The following MTA3 variants were observed in gnomAD, a reference collection of about 807,000 sequenced individuals.
MTA3 encodes the protein metastasis-associated protein MTA3.
Under a neutral mutation model 83.5 loss-of-function variants are expected in MTA3, and 34 were observed. The observed-to-expected ratio is 0.41, with a 90% CI of 0.31 to 0.54. MTA3 has a LOEUF of 0.54. Ranked by LOEUF, MTA3 falls within the 20% of genes least tolerant of loss-of-function variation. The pLI is 0.33. For synonymous variants in MTA3, 303 were observed against 252.7 expected, an observed-to-expected ratio of 1.20 and a Z score of -1.89; for missense variants, 761 against 726.4, an observed-to-expected ratio of 1.05 and a Z score of -0.55.
chr2:42,705,235 TGGGAGCACAAA>T (rs1283684003), intron 12 of MTA3, among the ~76,000 whole-genome samples: 5 of 152,184 alleles, frequency 3.3e-5, no homozygotes, highest in Non-Finnish European at 2.9e-5. Context: ...TTTTGCAGCA[TGGGAGCACAAA>T]GGGAAACAAT....
At chr2:42,628,475 AC>A (rs1216332566) in intron 4 of MTA3, among the ~76,000 whole-genome samples, 1 of 151,770 alleles carries the variant, frequency 6.6e-6, no homozygotes, top group Non-Finnish European at 1.5e-5. Context: ...TTCAGGTAAT[AC>A]GCCTGCCTCA....
At chr2:42,626,416 G>C (rs1205935454) in intron 4 of MTA3, among the ~76,000 whole-genome samples, 1 of 151,508 alleles carries the variant, frequency 6.6e-6, no homozygotes, top group African/African-American at 2.4e-5. Flanking sequence ...TCCTGCCTCC[G>C]CCTCCAGGGT....
intron 9 of MTA3, among the ~76,000 whole-genome samples, chr2:42,691,929 T>C (rs2104461230): frequency 6.6e-6 from 1 of 152,350 alleles, no homozygotes; most frequent in South Asian, 2.1e-4. Flanking sequence ...TTGCTCTCGT[T>C]GCTTTTGAGG....
At chr2:42,732,725 A>C (rs1470234149) in intron 16 of MTA3, among the ~76,000 whole-genome samples, 3 of 152,154 alleles carry the variant, frequency 2.0e-5, no homozygotes, top group Non-Finnish European at 4.4e-5. Context: ...TTTAAAACTG[A>C]ATGCAGTACC....
At chr2:42,752,632 C>G (rs1002011104) in intron 16 of MTA3, among the ~76,000 whole-genome samples, 2 of 152,132 alleles carry the variant, frequency 1.3e-5, no homozygotes, top group African/African-American at 4.8e-5. Flanking sequence ...TCCCCTCCTA[C>G]AAGAAATGTG....
chr2:42,507,867 A>T (rs1191139386), intron 2 of MTA3, among the ~76,000 whole-genome samples: 1 of 151,342 alleles, frequency 6.6e-6, no homozygotes, highest in African/African-American at 2.4e-5. Context: ...GGAGGCAGAG[A>T]TTGCAGTGAC....
chr2:42,594,728 A>ATATATATATATATATATATTTTTTTTT, intron 3 of MTA3, among the ~76,000 whole-genome samples: 5 of 24,040 alleles, frequency 2.1e-4, no homozygotes, highest in African/African-American at 6.7e-4. Flanking sequence ...ATATATATAT[A>ATATATATATATATATATATTTTTTTTT]TTTTTTTTTT....
intron 2 of MTA3, among the ~76,000 whole-genome samples, chr2:42,526,108 C>T (rs1326234129): frequency 6.6e-6 from 1 of 152,128 alleles, no homozygotes; most frequent in East Asian, 1.9e-4. Flanking sequence ...AAATAATTGC[C>T]CAGAACCAAC....
In MTA3 at chr2:42,610,444, C is replaced by T. The variant is rs554593931; in HGVS notation, c.317+860C>T. On this transcript the variant is annotated intron_variant, in intron 4 of 16. Transcript: ENST00000405094. ...GCAGAAAAAAGGTGACTGATTTGGG[C>T]GATATCTCTGGTTCTCTAACATGGA... Among the ~76,000 whole-genome samples the T allele has an allele frequency of 3.3e-5, 5 of 152,208 alleles. No homozygotes were observed. In the South Asian group the frequency reaches 6.2e-4, roughly 19 times the overall value.
chr2:42,643,430 G>T (rs189844999), intron 5 of MTA3, among the ~76,000 whole-genome samples: 2 of 152,224 alleles, frequency 1.3e-5, no homozygotes, highest in East Asian at 3.9e-4. Context: ...TGTCCATTAG[G>T]CTCAGAAACA....
At chr2:42,664,456 C>G (rs1369258780) in intron 8 of MTA3, among the ~76,000 whole-genome samples, 2 of 146,834 alleles carry the variant, frequency 1.4e-5, no homozygotes, top group Non-Finnish European at 3.0e-5. Flanking sequence ...TACCCCCTCA[C>G]CCCGCTTACC....
chr2:42,601,545 GACTA>G (rs765103419), intron 3 of MTA3, among the ~76,000 whole-genome samples: 23 of 152,162 alleles, frequency 1.5e-4, no homozygotes, highest in Non-Finnish European at 2.6e-4. Flanking sequence ...GCCGCCACAC[GACTA>G]ACTTTCTAAG....
At chr2:42,668,092 G>C (rs1690459706) in intron 8 of MTA3, among the ~76,000 whole-genome samples, 1 of 152,192 alleles carries the variant, frequency 6.6e-6, no homozygotes, top group African/African-American at 2.4e-5. Flanking sequence ...GAAGGTTATG[G>C]ATGGGCAGGA....
intron 2 of MTA3, among the ~76,000 whole-genome samples, chr2:42,498,215 C>A (rs990423323): frequency 1.3e-5 from 2 of 152,096 alleles, no homozygotes; most frequent in East Asian, 3.8e-4. Flanking sequence ...CAGCCTCTGC[C>A]GAATCAGTTG....
intron 14 of MTA3, among the ~76,000 whole-genome samples, chr2:42,718,318 G>A (rs1667170210): frequency 6.6e-6 from 1 of 151,806 alleles, no homozygotes; most frequent in African/African-American, 2.4e-5. Context: ...CGTGATCTTG[G>A]CTCACCGCAA....
chr2:42,496,659 G>C (rs775624868), intron 2 of MTA3, among the ~76,000 whole-genome samples: 7 of 145,290 alleles, frequency 4.8e-5, no homozygotes, highest in African/African-American at 1.8e-4. Flanking sequence ...CCTCCCCTCC[G>C]AAGTTACAAA....
intron 8 of MTA3, among the ~76,000 whole-genome samples, chr2:42,681,995 C>G (rs1691974151): frequency 6.6e-6 from 1 of 151,920 alleles, no homozygotes; most frequent in African/African-American, 2.4e-5. Flanking sequence ...TCAGTTGAGC[C>G]CAGGAGTTCG....
In MTA3 at chr2:42,755,981, C is replaced by G. The variant is rs1670212491; in HGVS notation, c.*2582C>G. ...GGTTTCAGCCTGCCCTTCACAATTC[C>G]CCTTGTGCACAGCCCAGTTTCCATC... On this transcript the variant is annotated 3_prime_UTR_variant, in exon 17 of 17. Coordinates refer to ENST00000405094, the MANE Select transcript of MTA3 (RefSeq NM_001330442.2). The G allele has an allele frequency of 1.0e-6, 1 of 985,504 alleles. No homozygotes were observed. Among genetic ancestry groups the G allele is most frequent in the Non-Finnish European group, 1.2e-6 (1 of 829,982 alleles). 61.0% of individuals were successfully genotyped at this position (985,504 alleles called of 1,614,324 possible).
chr2:42,653,385 G>A (rs1346202052), intron 6 of MTA3, among the ~76,000 whole-genome samples: 1 of 151,726 alleles, frequency 6.6e-6, no homozygotes, highest in Non-Finnish European at 1.5e-5. Context: ...TTGTTACCAG[G>A]GCCATTCCAA....
Sources: gnomAD v4.1 joint callset for allele counts (sites outside exome capture counted in the v4.1 genomes callset) on GRCh38, gnomAD v4.1.1 for gene constraint, MANE v1.5 for transcripts, NCBI Gene and HGNC (gene_info 2026-07-23, HGNC 2026-07-21) for gene names.